KCNIP4: variants seen among roughly 807,000 people sequenced by gnomAD.
KCNIP4 encodes potassium voltage-gated channel interacting protein 4.
Under a neutral mutation model 34.0 loss-of-function variants are expected in KCNIP4, and 12 were observed. That is an observed-to-expected ratio of 0.35 (90% confidence interval 0.23 to 0.57). The LOEUF is 0.57. KCNIP4 is among the 20% of genes least tolerant of loss of function. The pLI is 0.83. For synonymous variants in KCNIP4, 124 were observed against 102.2 expected (o/e 1.21, Z -1.29); for missense variants, 238 against 311.7 (o/e 0.76, Z 1.78).
At chr4:20,749,184 C>A (rs1428063128) in intron 5 of KCNIP4, among the ~76,000 whole-genome samples, 2 of 125,094 alleles carry the variant, frequency 1.6e-5, no homozygotes, top group African/African-American at 5.7e-5. Context: ...ACGTTCTCTA[C>A]AGATCACTTA....
At chr4:21,823,982 G>T (rs1395506571) in intron 1 of KCNIP4, among the ~76,000 whole-genome samples, 2 of 152,140 alleles carry the variant, frequency 1.3e-5, no homozygotes, top group Non-Finnish European at 2.9e-5. Flanking sequence ...GGACATTAGT[G>T]AATGCGACAG....
At chr4:20,758,103 C>T (rs565498263) in intron 4 of KCNIP4, among the ~76,000 whole-genome samples, 1 of 152,206 alleles carries the variant, frequency 6.6e-6, no homozygotes, top group African/African-American at 2.4e-5. Flanking sequence ...GCTAGGCACA[C>T]CATAGGCTGT....
intron 1 of KCNIP4, among the ~76,000 whole-genome samples, chr4:21,504,283 C>A (rs1733606956): frequency 6.6e-6 from 1 of 151,810 alleles, no homozygotes; most frequent in African/African-American, 2.4e-5. Flanking sequence ...GCCTGGCCAA[C>A]ATGGTGAAAC....
At chr4:21,241,492 G>A (rs73109488) in intron 1 of KCNIP4, among the ~76,000 whole-genome samples, 14,305 of 152,162 alleles carry the variant, frequency 0.094, 2,158 homozygotes, top group African/African-American at 0.32. Flanking sequence ...GGTAAGGAAG[G>A]TGTAGGCAAG....
At chr4:21,602,778 A>G (rs908942636) in intron 1 of KCNIP4, among the ~76,000 whole-genome samples, 2 of 152,180 alleles carry the variant, frequency 1.3e-5, no homozygotes, top group African/African-American at 4.8e-5. Context: ...GGTTCAGAAT[A>G]AAGAAGGAAG....
chr4:21,738,048 T>G (rs1217955505), intron 1 of KCNIP4, among the ~76,000 whole-genome samples: 2 of 151,492 alleles, frequency 1.3e-5, no homozygotes, highest in Non-Finnish European at 2.9e-5. Flanking sequence ...GCCAAGATCT[T>G]GCCACTGCAC....
intron 2 of KCNIP4, among the ~76,000 whole-genome samples, chr4:20,856,181 T>G (rs16870149): frequency 0.2 from 29,793 of 152,170 alleles, 3,070 homozygotes; most frequent in South Asian, 0.35. Flanking sequence ...TATTTGCCAA[T>G]GCAGGAGTAA....
chr4:21,003,962 T>C (rs759054784), intron 1 of KCNIP4, among the ~76,000 whole-genome samples: 7 of 152,106 alleles, frequency 4.6e-5, no homozygotes, highest in Non-Finnish European at 7.4e-5. Flanking sequence ...CAGGAAGCAG[T>C]TGGAAATGAG....
intron 1 of KCNIP4, among the ~76,000 whole-genome samples, chr4:21,050,310 G>A (rs906880189): frequency 6.6e-6 from 1 of 152,070 alleles, no homozygotes; most frequent in Non-Finnish European, 1.5e-5. Context: ...GCAATAGGTG[G>A]TCATAACTGT....
intron 1 of KCNIP4, among the ~76,000 whole-genome samples, chr4:21,801,877 T>G (rs1417346691): frequency 6.6e-6 from 1 of 151,678 alleles, no homozygotes; most frequent in Non-Finnish European, 1.5e-5. Context: ...AACACCCTTC[T>G]TAAGAGCTAT....
At chr4:21,663,119 A>C (rs1303866112) in intron 1 of KCNIP4, among the ~76,000 whole-genome samples, 2 of 152,178 alleles carry the variant, frequency 1.3e-5, no homozygotes, top group South Asian at 4.1e-4. Context: ...AATAATTGTA[A>C]ATCAGTTTTC....
intron 1 of KCNIP4, among the ~76,000 whole-genome samples, chr4:21,922,118 G>A (rs10938869): frequency 8.6e-5 from 13 of 152,010 alleles, no homozygotes; most frequent in South Asian, 8.3e-4. Flanking sequence ...GTCTTCTCTC[G>A]GGAAAACTTT....
intron 1 of KCNIP4, among the ~76,000 whole-genome samples, chr4:21,462,641 T>C (rs1729558945): frequency 6.6e-6 from 1 of 151,924 alleles, no homozygotes; most frequent in South Asian, 2.1e-4. Context: ...TGCATATGAG[T>C]GAGATTATGC....
At chr4:21,504,532 C>CAAGCA (rs563895599) in intron 1 of KCNIP4, among the ~76,000 whole-genome samples, 15 of 145,626 alleles carry the variant, frequency 1.0e-4, no homozygotes, top group Non-Finnish European at 2.0e-4. Flanking sequence ...AGCAAGCAAG[C>CAAGCA]AAGCAAAGCA....
intron 1 of KCNIP4, among the ~76,000 whole-genome samples, chr4:21,515,819 T>C (rs938538399): frequency 3.3e-5 from 5 of 152,186 alleles, no homozygotes; most frequent in Non-Finnish European, 7.3e-5. Context: ...CACCATGGGA[T>C]GACACTACAA....
chr4:21,945,418 A>G (rs1730455320), intron 1 of KCNIP4, among the ~76,000 whole-genome samples: 1 of 152,200 alleles, frequency 6.6e-6, no homozygotes, highest in African/African-American at 2.4e-5. Context: ...GTATGATGAA[A>G]AGCTTTTCAT....
At position 21,156,812 on chromosome 4, in the gene KCNIP4, T is replaced by C. The variant is rs1753176292; in HGVS notation, c.62-274103A>G. 2.0e-5 allele frequency among the ~76,000 whole-genome samples: 3 copies of C among 152,130 alleles called. No homozygotes were observed. The South Asian group carries it at 6.2e-4, about 32-fold the overall frequency. On this transcript the variant is annotated intron_variant, in intron 1 of 8. Transcript: ENST00000382152. The stretch of plus-strand genomic sequence containing the variant: ...ACTAGGAAGAAATTCTAAACTCCTA[T>C]ATTTTGAGGTGTGTTGTTCATGTTC...
chr4:20,952,002 C>A (rs561547825), intron 1 of KCNIP4, among the ~76,000 whole-genome samples: 2 of 152,156 alleles, frequency 1.3e-5, no homozygotes, highest in African/African-American at 4.8e-5. Flanking sequence ...CTTCCAATAA[C>A]ATGGTGCCTA....
intron 1 of KCNIP4, among the ~76,000 whole-genome samples, chr4:21,666,076 C>T (rs1259053558): frequency 1.3e-5 from 2 of 152,136 alleles, no homozygotes; most frequent in Non-Finnish European, 2.9e-5. Flanking sequence ...TTGCTCCTGC[C>T]TATAGAAGAA....
Sources: allele counts gnomAD v4.1 joint callset (sites outside exome capture counted in the v4.1 genomes callset), GRCh38; gene constraint gnomAD v4.1.1; transcripts MANE v1.5; gene names NCBI Gene and HGNC (gene_info 2026-07-23, HGNC 2026-07-21).